SLC66A2: variants seen among roughly 807,000 people sequenced by gnomAD.
The protein encoded by SLC66A2 is PQ loop repeat containing 1.
SLC66A2 carries 23 observed loss-of-function variants against 25.5 expected under a neutral mutation model. The ratio of observed to expected loss-of-function variants is 0.90; its 90% CI spans 0.65 to 1.28. The LOEUF (loss-of-function observed/expected upper bound fraction) is 1.28. SLC66A2 is among the 50% of genes most tolerant of loss of function. The probability of loss-of-function intolerance (pLI) is 0.00; values close to 1 mark genes in which losing one functional copy is unlikely to be tolerated. For synonymous variants in SLC66A2, 193 were observed against 166.5 expected (o/e 1.16, Z -1.23); for missense variants, 396 against 373.1 (o/e 1.06, Z -0.51).
intron 5 of SLC66A2, chr18:79,915,604 C>G (rs571173206): frequency 2.3e-4 from 35 of 152,258 alleles, no homozygotes; most frequent in African/African-American, 8.2e-4. Flanking sequence ...CGCCCGTCTT[C>G]TGCCCGGCCC....
intron 3 of SLC66A2, among the ~76,000 whole-genome samples, chr18:79,939,359 G>GT (rs1987428700): frequency 6.6e-6 from 1 of 152,118 alleles, no homozygotes; most frequent in Non-Finnish European, 1.5e-5. Context: ...GCTCAAGAAT[G>GT]TACTTGGCAA....
chr18:79,924,627 A>C (rs915932691), intron 4 of SLC66A2, among the ~76,000 whole-genome samples: 1 of 152,254 alleles, frequency 6.6e-6, no homozygotes, highest in Non-Finnish European at 1.5e-5. Context: ...TATGTAAATT[A>C]TCTCTCTAAT....
chr18:79,928,418 G>A (rs1026062981), intron 4 of SLC66A2, among the ~76,000 whole-genome samples: 12 of 152,138 alleles, frequency 7.9e-5, no homozygotes, highest in African/African-American at 2.9e-4. Flanking sequence ...AGCCATCAGG[G>A]TTTCAGCCAG....
chr18:79,915,045 C>A (rs777962455), intron 5 of SLC66A2, among the ~76,000 whole-genome samples: 61 of 152,362 alleles, frequency 4.0e-4, no homozygotes, highest in South Asian at 1.2e-3. Context: ...GTTCCCTTTC[C>A]CGTTTAGTGA....
chr18:79,951,126 C>G (rs2051109067), intron 1 of SLC66A2, 101 bp from the exon 2 acceptor site: 1 of 278,700 alleles, frequency 3.6e-6, no homozygotes, highest in Non-Finnish European at 6.5e-6. Context: ...CGAGGCAGAG[C>G]GGGGGCGACC....
intron 3 of SLC66A2, among the ~76,000 whole-genome samples, chr18:79,939,586 T>G (rs899837107): frequency 2.0e-5 from 3 of 152,144 alleles, no homozygotes; most frequent in African/African-American, 7.2e-5. Flanking sequence ...CATGAACACT[T>G]TTCAAAAGAA....
rs1435824977 is a variant in SLC66A2, at chr18:79,940,019, G to C, written c.337+3310C>G. Among the ~76,000 whole-genome samples the C allele has an allele frequency of 6.6e-6, 1 of 152,186 alleles. No individual in the cohort carries two copies. Among genetic ancestry groups the C allele is most frequent in the African/African-American group, 2.4e-5 (1 of 41,432 alleles). On this transcript the variant is annotated intron_variant, in intron 3 of 5. Transcript: ENST00000397778. This position sits in a 1 kb window ranked among gnomAD's most constrained non-coding sequence, Gnocchi z 4.1. Reference sequence around the variant, plus strand: ...TTTTCTTCTGGATGAAGCAAATGTGGTACGTATACACCACGGAACACTATG... The same window carrying C: ...TTTTCTTCTGGATGAAGCAAATGTGCTACGTATACACCACGGAACACTATG...
In SLC66A2 at chr18:79,909,707, A is replaced by G. The variant is rs549266228; in HGVS notation, c.609-5524T>C. Among the ~76,000 whole-genome samples, 15 of 44,546 alleles carry G rather than the reference A, an allele frequency of 3.4e-4. No individual in the cohort carries two copies. The East Asian group carries it at 5.6e-3, about 17-fold the overall frequency. 29.2% of individuals were successfully genotyped at this position (44,546 alleles called of 152,430 possible). ...AACAGAGTCCCCAACCTTCCCCACC[A>G]TCTCACAACAGAGTCCCCAACCTTC... On this transcript the variant is annotated intron_variant, in intron 5 of 5. Transcript: ENST00000397778.
intron 5 of SLC66A2, among the ~76,000 whole-genome samples, chr18:79,914,514 C>T (rs1983699214): frequency 1.3e-5 from 2 of 152,084 alleles, no homozygotes; most frequent in Non-Finnish European, 2.9e-5. Flanking sequence ...GCCGTGGCCC[C>T]GGAGGAACAG....
chr18:79,928,400 A>G (rs533448179), intron 4 of SLC66A2, among the ~76,000 whole-genome samples: 1 of 152,292 alleles, frequency 6.6e-6, no homozygotes, highest in East Asian at 1.9e-4. Flanking sequence ...AACCTTCTTC[A>G]TGCTTCCAGC....
intron 5 of SLC66A2, among the ~76,000 whole-genome samples, chr18:79,912,761 G>C (rs964048223): frequency 6.6e-6 from 1 of 152,118 alleles, no homozygotes; most frequent in Non-Finnish European, 1.5e-5. Flanking sequence ...TCTCAGGCGG[G>C]TCACACTTTG....
rs1377041426 is a variant in SLC66A2 at position 79,934,088 on chromosome 18, T to C, written c.338-66A>G. 11 of 1,264,790 alleles carry C rather than the reference T, an allele frequency of 8.7e-6. No individual in the cohort carries two copies. In the East Asian group the frequency reaches 1.9e-4, roughly 22 times the overall value. 78.3% of individuals were successfully genotyped at this position (1,264,790 alleles called of 1,614,324 possible). ...AGACAGAAACATACTGGTTTTAACATGGGTAAACAGCTGTGTTCCCAGAAC... is the reference window on the plus strand; with the variant it reads ...AGACAGAAACATACTGGTTTTAACACGGGTAAACAGCTGTGTTCCCAGAAC... On this transcript the variant is annotated intron_variant, in intron 3 of 5. Transcript: ENST00000397778.
chr18:79,943,286 C>A, intron 3 of SLC66A2, 43 bp downstream of exon 3: 1 of 1,606,004 alleles, frequency 6.2e-7, no homozygotes, highest in Non-Finnish European at 8.5e-7. Flanking sequence ...GTCACCTACG[C>A]CCTGATTCCC....
At chr18:79,928,157 C>T (rs1183285491) in intron 4 of SLC66A2, among the ~76,000 whole-genome samples, 3 of 152,236 alleles carry the variant, frequency 2.0e-5, no homozygotes, top group Non-Finnish European at 4.4e-5. Context: ...ACAAACACAG[C>T]ATCATACACA....
intron 3 of SLC66A2, among the ~76,000 whole-genome samples, chr18:79,939,686 T>C (rs1323503105): frequency 1.3e-5 from 2 of 152,082 alleles, no homozygotes; most frequent in African/African-American, 4.8e-5. Flanking sequence ...TGAGATGCCG[T>C]CTCATACCAG....
chr18:79,942,186 C>T (rs1599647053), intron 3 of SLC66A2, among the ~76,000 whole-genome samples: 1 of 152,242 alleles, frequency 6.6e-6, no homozygotes, highest in Non-Finnish European at 1.5e-5. Context: ...TCAGTACCAT[C>T]TCTGGTGTAA....
At chr18:79,948,593 G>A (rs942317570) in intron 2 of SLC66A2, among the ~76,000 whole-genome samples, 12 of 151,950 alleles carry the variant, frequency 7.9e-5, no homozygotes, top group African/African-American at 2.7e-4. Context: ...CTCCCACCCC[G>A]GCCTCCAAAA....
intron 5 of SLC66A2, among the ~76,000 whole-genome samples, chr18:79,914,097 G>C (rs1273613393): frequency 2.0e-5 from 3 of 152,110 alleles, no homozygotes; most frequent in Non-Finnish European, 4.4e-5. Context: ...GTAGAGACAG[G>C]GTTTCACCAT....
chr18:79,938,049 G>A (rs1987278136), intron 3 of SLC66A2, among the ~76,000 whole-genome samples: 1 of 151,974 alleles, frequency 6.6e-6, no homozygotes, highest in African/African-American at 2.4e-5. Context: ...GCTGAGGTGG[G>A]AGGATCGCTT....
Sources: gnomAD v4.1 joint callset for allele counts (sites outside exome capture counted in the v4.1 genomes callset) on GRCh38, gnomAD v4.1.1 for gene constraint, Gnocchi (gnomAD v3.1) non-coding constraint, MANE v1.5 for transcripts, NCBI Gene and HGNC (gene_info 2026-07-23, HGNC 2026-07-21) for gene names.